ROR2: variants seen among roughly 807,000 people sequenced by gnomAD.
ROR2 encodes ROR family WNT receptor 2.
ROR2 carries 33 observed loss-of-function variants against 74.9 expected under a neutral mutation model. That is an observed-to-expected ratio of 0.44 (90% confidence interval 0.33 to 0.59). ROR2 has a LOEUF of 0.59. Among genes scored for constraint, ROR2 ranks in the 20% least tolerant of loss-of-function variants. The pLI, the probability that ROR2 is intolerant of heterozygous loss-of-function variation, is 0.02. For missense variants in ROR2, 1,216 were observed against 1,313.8 expected (o/e 0.93, Z 1.15); for synonymous variants, 586 against 558.7 (o/e 1.05, Z -0.69).
At chr9:91,881,281 G>GA (rs1229344226) in intron 1 of ROR2, among the ~76,000 whole-genome samples, 4 of 152,180 alleles carry the variant, frequency 2.6e-5, no homozygotes, top group Non-Finnish European at 4.4e-5. Context: ...TAGGTAACAA[G>GA]AAAAACATGT....
intron 1 of ROR2, among the ~76,000 whole-genome samples, chr9:91,897,781 A>C (rs1007555417): frequency 6.6e-6 from 1 of 152,190 alleles, no homozygotes; most frequent in Non-Finnish European, 1.5e-5. Flanking sequence ...TGGGATGTCC[A>C]CACCAAAGTT....
At chr9:91,946,358 GC>G (rs1832014084) in intron 1 of ROR2, among the ~76,000 whole-genome samples, 2 of 152,192 alleles carry the variant, frequency 1.3e-5, no homozygotes, top group Non-Finnish European at 2.9e-5. Flanking sequence ...GGAAGAGCCC[GC>G]CCCGAGGAGC....
At chr9:91,863,618 TG>T (rs1353876479) in intron 1 of ROR2, among the ~76,000 whole-genome samples, 1 of 152,222 alleles carries the variant, frequency 6.6e-6, no homozygotes, top group East Asian at 1.9e-4. Flanking sequence ...GGATGAAGCT[TG>T]GGAACCTTAT....
At chr9:91,896,500 GA>G (rs1320535381) in intron 1 of ROR2, among the ~76,000 whole-genome samples, 4 of 152,220 alleles carry the variant, frequency 2.6e-5, no homozygotes, top group Non-Finnish European at 5.9e-5. Flanking sequence ...GCAGCCAACA[GA>G]AGTGTGAATA....
At chr9:91,936,103 G>A (rs769760217) in intron 1 of ROR2, among the ~76,000 whole-genome samples, 3 of 152,220 alleles carry the variant, frequency 2.0e-5, no homozygotes, top group African/African-American at 4.8e-5. Flanking sequence ...CCCACTTCCC[G>A]AGGCTCAGCA....
rs150568265 is a variant in ROR2, at chr9:91,722,735, G to A, written c.*927C>T. 1.2e-3 allele frequency: 817 copies of A among 676,346 alleles called. 2 individuals carry two copies. Among genetic ancestry groups the A allele is most frequent in the Non-Finnish European group, 1.7e-3 (621 of 366,974 alleles). The allele number at this position is 676,346 out of a possible 1,614,324, so 41.9% of individuals were successfully genotyped here. A position where few individuals can be genotyped will look rare whatever the true frequency, so the allele number is the denominator to read the frequency against. On this transcript the variant is annotated 3_prime_UTR_variant, in exon 9 of 9. Transcript: ENST00000375708. Reference sequence around the variant, plus strand: ...TAAAATGAATGGACCTCATGTGCACGTGGTACAGAGAGAAGCAAACCAAGA... The same window carrying A: ...TAAAATGAATGGACCTCATGTGCACATGGTACAGAGAGAAGCAAACCAAGA...
At chr9:91,874,739 G>A (rs1033384915) in intron 1 of ROR2, among the ~76,000 whole-genome samples, 8 of 152,036 alleles carry the variant, frequency 5.3e-5, no homozygotes, top group Non-Finnish European at 1.2e-4. Context: ...AGTTTGAGAC[G>A]AGCCTGACCA....
chr9:91,908,301 G>A (rs1830870014), intron 1 of ROR2, among the ~76,000 whole-genome samples: 1 of 152,240 alleles, frequency 6.6e-6, no homozygotes, highest in Admixed American at 6.5e-5. Context: ...AGCTTGAGAT[G>A]TTTTAGTAGC....
chr9:91,772,761 C>T (rs565827292), intron 2 of ROR2, among the ~76,000 whole-genome samples: 1 of 152,198 alleles, frequency 6.6e-6, no homozygotes, highest in Admixed American at 6.5e-5. Flanking sequence ...GTTTTTAAAC[C>T]ATTCACTTGT....
At chr9:91,783,406 G>A (rs549124959) in intron 1 of ROR2, among the ~76,000 whole-genome samples, 1 of 152,346 alleles carries the variant, frequency 6.6e-6, no homozygotes, top group East Asian at 1.9e-4. Flanking sequence ...AGAAGGGATG[G>A]ATAGGCTCTC....
chr9:91,833,739 A>G (rs1269522402), intron 1 of ROR2, among the ~76,000 whole-genome samples: 3 of 151,972 alleles, frequency 2.0e-5, no homozygotes, highest in Non-Finnish European at 4.4e-5. Context: ...CAACACGCAG[A>G]AGGAGCTGTC....
chr9:91,732,237 A>G (rs545200626), intron 6 of ROR2, among the ~76,000 whole-genome samples: 1 of 152,300 alleles, frequency 6.6e-6, no homozygotes, highest in African/African-American at 2.4e-5. Flanking sequence ...GTATGGATGC[A>G]GTGATGTCAG....
At chr9:91,928,228 C>G (rs774477864) in intron 1 of ROR2, among the ~76,000 whole-genome samples, 1 of 152,266 alleles carries the variant, frequency 6.6e-6, no homozygotes, top group African/African-American at 2.4e-5. Context: ...AGCCTGCCAA[C>G]AAGAGTCACA....
chr9:91,797,147 G>A (rs199581047), intron 1 of ROR2, among the ~76,000 whole-genome samples: 6,444 of 84,648 alleles, frequency 0.076, 534 homozygotes, highest in East Asian at 0.27. Flanking sequence ...CTCTGTGGGT[G>A]GGGAATGACA....
intron 1 of ROR2, among the ~76,000 whole-genome samples, chr9:91,837,924 C>T (rs1828661154): frequency 6.6e-6 from 1 of 152,138 alleles, no homozygotes; most frequent in South Asian, 2.1e-4. Context: ...AAAAAATCAC[C>T]GAACCATACT....
rs761173355 is a variant in ROR2, at chr9:91,870,369, A to G, written c.97+79498T>C. On this transcript the variant is annotated intron_variant, in intron 1 of 8. Transcript: ENST00000375708. ...CCTTCGTACGGAGCAACAGCAGGGTACACACCGGGATCAGGGAACCAGTTG... is the reference window on the plus strand; with the variant it reads ...CCTTCGTACGGAGCAACAGCAGGGTGCACACCGGGATCAGGGAACCAGTTG... Among the ~76,000 whole-genome samples the G allele has an allele frequency of 1.1e-4, 17 of 152,208 alleles. No homozygotes were observed. The South Asian group carries it at 1.7e-3, about 15-fold the overall frequency.
chr9:91,922,105 A>G (rs1475017558), intron 1 of ROR2, among the ~76,000 whole-genome samples: 6 of 139,544 alleles, frequency 4.3e-5, no homozygotes, highest in African/African-American at 1.3e-4. Context: ...AACAGCAACA[A>G]CAACAACAAC....
At chr9:91,786,242 G>A (rs1275625058) in intron 1 of ROR2, among the ~76,000 whole-genome samples, 4 of 149,432 alleles carry the variant, frequency 2.7e-5, no homozygotes, top group Non-Finnish European at 5.9e-5. Flanking sequence ...TGAGAAGATC[G>A]CTTGAGCCTG....
intron 2 of ROR2, among the ~76,000 whole-genome samples, chr9:91,769,355 A>C (rs1363776117): frequency 6.6e-6 from 1 of 152,030 alleles, no homozygotes; most frequent in African/African-American, 2.4e-5. Context: ...CCCCACAATG[A>C]GCATGGAGCC....
Sources: allele counts gnomAD v4.1 joint callset (sites outside exome capture counted in the v4.1 genomes callset), GRCh38; gene constraint gnomAD v4.1.1; transcripts MANE v1.5; gene names NCBI Gene and HGNC (gene_info 2026-07-23, HGNC 2026-07-21).